The following GXYLT2 variants were observed in gnomAD, a reference collection of about 807,000 sequenced individuals.
The protein encoded by GXYLT2 is glucoside xylosyltransferase 2, also known as glycosyltransferase 8 domain containing 4.
A neutral mutation model predicts 45.8 loss-of-function variants in GXYLT2; 53 were observed. That is an observed-to-expected ratio of 1.16 (90% CI 0.93 to 1.46). GXYLT2 has a LOEUF of 1.46. GXYLT2 is among the 40% of genes most tolerant of loss of function. GXYLT2 has a pLI of 0.00. For missense variants in GXYLT2, 551 were observed against 544.4 expected, an observed-to-expected ratio of 1.01 and a Z score of -0.12; for synonymous variants, 219 against 214.2, an observed-to-expected ratio of 1.02 and a Z score of -0.19.
At chr3:72,915,338 C>CT (rs34611815) in intron 2 of GXYLT2, among the ~76,000 whole-genome samples, 7,711 of 48,650 alleles carry the variant, frequency 0.16, 1,180 homozygotes, top group African/African-American at 0.25. Flanking sequence ...TACCCATTTC[C>CT]TTTTTTTTTT....
rs3078688 is a variant in GXYLT2 at position 72,954,399 on chromosome 3, C to CTGTGTGTGTGTGTGTGTGTGTG, written c.601-685_601-664dup. ...GGAATTACAGGCCACTGCTCCCAGC[C>CTGTGTGTGTGTGTGTGTGTGTG]TGTGTGTGTGTGTGTGTGTGTGTGT... On this transcript the variant is annotated intron_variant, in intron 3 of 6. Coordinates refer to ENST00000389617, the MANE Select transcript of GXYLT2 (RefSeq NM_001080393.2). Among the ~76,000 whole-genome samples, 157 of 133,888 alleles carry CTGTGTGTGTGTGTGTGTGTGTG rather than the reference C, an allele frequency of 1.2e-3. 1 individual carries two copies. Among genetic ancestry groups the CTGTGTGTGTGTGTGTGTGTGTG allele is most frequent in the African/African-American group, 4.3e-3 (146 of 33,902 alleles). The allele number at this position is 133,888 out of a possible 152,430, so 87.8% of individuals were successfully genotyped here.
intron 3 of GXYLT2, among the ~76,000 whole-genome samples, chr3:72,954,400 T>TGTGTGTGC (rs1491163979): frequency 3.4e-4 from 2 of 5,864 alleles, no homozygotes; most frequent in Non-Finnish European, 5.0e-4. Context: ...GCTCCCAGCC[T>TGTGTGTGC]GTGTGTGTGT....
At chr3:72,953,569 T>C (rs552727923) in intron 3 of GXYLT2, among the ~76,000 whole-genome samples, 56 of 152,252 alleles carry the variant, frequency 3.7e-4, no homozygotes, top group Admixed American at 1.6e-3. Flanking sequence ...GGATTGAAAT[T>C]AGAATCTTCA....
At chr3:72,920,989 T>A (rs1709824066) in intron 2 of GXYLT2, among the ~76,000 whole-genome samples, 1 of 151,570 alleles carries the variant, frequency 6.6e-6, no homozygotes, top group Non-Finnish European at 1.5e-5. Context: ...GCCAGCTAAT[T>A]TTTGTATTTT....
Position 72,955,322 on chromosome 3 carries a change from A to T in GXYLT2, c.825A>T (p.Leu275Phe). 1.9e-6 allele frequency: 3 copies of T among 1,614,006 alleles called. No individual in the cohort carries two copies. Among genetic ancestry groups the T allele is most frequent in the South Asian group, 2.2e-5 (2 of 91,082 alleles). Residue 275 changes from leucine (L) to phenylalanine (F), a missense_variant, in exon 4 of 7, where the codon TTA becomes TTT. Physicochemically the swap from Leu to Phe is conservative, Grantham distance 22. Transcript: ENST00000389617. ...ATTCAGGAGTCATGTTAATGAATTT[A>T]ACTCGGATAAGAAGTACCCAGTTCA... Reference protein sequence around the residue: ...GVNSGVMLMNLTRIRSTQFKN... With the variant: ...GVNSGVMLMNFTRIRSTQFKN...
chr3:72,898,153 G>A (rs1218500064), intron 1 of GXYLT2, among the ~76,000 whole-genome samples: 2 of 152,014 alleles, frequency 1.3e-5, no homozygotes, highest in African/African-American at 4.8e-5. Context: ...TATGCATTAA[G>A]CAATTTAAAG....
chr3:72,961,647 T>TAAAAAAAA, intron 5 of GXYLT2, among the ~76,000 whole-genome samples: 1 of 127,432 alleles, frequency 7.8e-6, no homozygotes, highest in Non-Finnish European at 1.6e-5. Flanking sequence ...GTTTCCTAAT[T>TAAAAAAAA]TGAATTCTTA....
At chr3:72,955,594 A>G (rs1710625058) in intron 4 of GXYLT2, among the ~76,000 whole-genome samples, 1 of 152,232 alleles carries the variant, frequency 6.6e-6, no homozygotes, top group African/African-American at 2.4e-5. Context: ...GCATTTCTGA[A>G]TTCCATAATG....
chr3:72,915,774 A>G (rs557183107), intron 2 of GXYLT2, among the ~76,000 whole-genome samples: 1 of 152,116 alleles, frequency 6.6e-6, no homozygotes, highest in East Asian at 1.9e-4. Context: ...CAGAGGTTGC[A>G]GTGAGCCAAG....
chr3:72,975,356 A>T lies in GXYLT2; in HGVS notation c.*197A>T, dbSNP rs1324081938. 2 of 371,682 alleles carry T rather than the reference A, an allele frequency of 5.4e-6. No individual in the cohort carries two copies. The highest frequency in any genetic ancestry group is 4.6e-6 in the Non-Finnish European group (1 of 219,454). The allele number at this position is 371,682 out of a possible 1,614,324, so 23.0% of individuals were successfully genotyped here. On this transcript the variant is annotated 3_prime_UTR_variant, in exon 7 of 7. Transcript: ENST00000389617. ...TCCTTATTTTTTTTTCTAAAATGCTATTTATCTCTAAGGAAAAAAAAAAAA... is the reference window on the plus strand; with the variant it reads ...TCCTTATTTTTTTTTCTAAAATGCTTTTTATCTCTAAGGAAAAAAAAAAAA...
At chr3:72,953,986 G>A (rs778345141) in intron 3 of GXYLT2, among the ~76,000 whole-genome samples, 1 of 152,168 alleles carries the variant, frequency 6.6e-6, no homozygotes, top group Admixed American at 6.6e-5. Context: ...AGCTACTCGG[G>A]AGGCTGAGGT....
chr3:72,909,093 G>A (rs1248165461), intron 2 of GXYLT2, among the ~76,000 whole-genome samples: 1 of 109,178 alleles, frequency 9.2e-6, no homozygotes, highest in Admixed American at 1.2e-4. Flanking sequence ...TTTTGAGACA[G>A]CGGCTCACTC....
At chr3:72,961,770 A>T (rs1388276) in intron 5 of GXYLT2, among the ~76,000 whole-genome samples, 97,526 of 151,642 alleles carry the variant, frequency 0.64, 32,051 homozygotes, top group Admixed American at 0.75. Flanking sequence ...CAAAGTCATG[A>T]GGCATTTTCC....
intron 6 of GXYLT2, among the ~76,000 whole-genome samples, chr3:72,972,403 G>A (rs1575821182): frequency 6.6e-6 from 1 of 151,720 alleles, no homozygotes; most frequent in East Asian, 1.9e-4. Context: ...CACTTTGGGA[G>A]ACCGAGGCAG....
chr3:72,928,624 G>C (rs767663387), intron 3 of GXYLT2, among the ~76,000 whole-genome samples: 1 of 152,078 alleles, frequency 6.6e-6, no homozygotes, highest in Non-Finnish European at 1.5e-5. Flanking sequence ...TAAACCATAG[G>C]CCAGTTAGTT....
chr3:72,949,943 G>A (rs1710488353), intron 3 of GXYLT2, among the ~76,000 whole-genome samples: 1 of 152,110 alleles, frequency 6.6e-6, no homozygotes, highest in Admixed American at 6.6e-5. Context: ...TGCTGTGTGT[G>A]TGCCAGGGGC....
rs1709100072 is a variant in GXYLT2 at position 72,888,141 on chromosome 3, G to A, written c.-93G>A. ...TCCCCGGCGGGCGGGCGGAGGAGGC[G>A]ACCGCCGCGCGCTGCTGCACTCATC... On this transcript the variant is annotated 5_prime_UTR_variant, in exon 1 of 7. Transcript: ENST00000389617. The A allele has an allele frequency of 2.2e-6, 2 of 894,564 alleles. No individual in the cohort carries two copies. The highest frequency in any genetic ancestry group is 1.8e-5 in the African/African-American group (1 of 54,646). 55.4% of individuals were successfully genotyped at this position (894,564 alleles called of 1,614,324 possible).
chr3:72,934,545 G>A (rs1160816360), intron 3 of GXYLT2, among the ~76,000 whole-genome samples: 1 of 152,034 alleles, frequency 6.6e-6, no homozygotes, highest in African/African-American at 2.4e-5. Flanking sequence ...ATGAATTAGC[G>A]GCATCCACTA....
At chr3:72,931,491 A>G (rs1251739079) in intron 3 of GXYLT2, among the ~76,000 whole-genome samples, 3 of 152,074 alleles carry the variant, frequency 2.0e-5, no homozygotes, top group African/African-American at 7.2e-5. Context: ...GGCCTCTCAA[A>G]GTGCTAGGAT....
Sources: allele counts gnomAD v4.1 joint callset (sites outside exome capture counted in the v4.1 genomes callset), GRCh38; gene constraint gnomAD v4.1.1; transcripts MANE v1.5; gene names NCBI Gene and HGNC (gene_info 2026-07-23, HGNC 2026-07-21).